The following FMN1 variants were observed in gnomAD, a reference collection of about 807,000 sequenced individuals.
The protein encoded by FMN1 is formin-1.
FMN1 carries 110 observed loss-of-function variants against 132.4 expected under a neutral mutation model. The observed-to-expected ratio is 0.83, with a 90% CI of 0.71 to 0.97. The LOEUF is 0.97. Among genes scored for constraint, FMN1 ranks in the 50% least tolerant of loss-of-function variants. The probability of loss-of-function intolerance (pLI) is 0.00; values close to 1 mark genes in which losing one functional copy is unlikely to be tolerated. For synonymous variants in FMN1, 722 were observed against 651.7 expected, an observed-to-expected ratio of 1.11 and a Z score of -1.64; for missense variants, 1,792 against 1,705.3, an observed-to-expected ratio of 1.05 and a Z score of -0.90.
chr15:32,927,885 C>T (rs1028736372), intron 9 of FMN1, among the ~76,000 whole-genome samples: 3 of 152,204 alleles, frequency 2.0e-5, no homozygotes, highest in Non-Finnish European at 4.4e-5. Flanking sequence ...TTCCTTCCCA[C>T]CTAGGTACTT....
chr15:33,065,432 C>A (rs1309344734), intron 5 of FMN1, among the ~76,000 whole-genome samples: 2 of 152,182 alleles, frequency 1.3e-5, no homozygotes, highest in South Asian at 2.1e-4. Flanking sequence ...GGAATGTTTA[C>A]CAATGTATCC....
In FMN1 at chr15:33,128,104, G is replaced by A. The variant is rs145093223; in HGVS notation, c.1867+24944C>T. Among the ~76,000 whole-genome samples the A allele has an allele frequency of 1.2e-3, 179 of 152,258 alleles. 1 individual carries two copies. The highest frequency in any genetic ancestry group is 4.1e-3 in the African/African-American group (170 of 41,552). On this transcript the variant is annotated intron_variant, in intron 4 of 20. Coordinates refer to ENST00000616417, the MANE Select transcript of FMN1 (RefSeq NM_001277313.2). Reference sequence around the variant, plus strand: ...AAGAAAACCAAGAATGAGGCCAGAAGAAGGGAGAGGAGACACCATGGTGAT... The same window carrying A: ...AAGAAAACCAAGAATGAGGCCAGAAAAAGGGAGAGGAGACACCATGGTGAT...
chr15:32,966,399 A>G (rs1384945456), intron 8 of FMN1, among the ~76,000 whole-genome samples: 2 of 152,126 alleles, frequency 1.3e-5, no homozygotes, highest in Non-Finnish European at 2.9e-5. Context: ...TAGGGCAATA[A>G]TAAGGACGTG....
intron 17 of FMN1, among the ~76,000 whole-genome samples, chr15:32,813,209 A>G (rs1425367978): frequency 6.6e-6 from 1 of 152,352 alleles, no homozygotes; most frequent in African/African-American, 2.4e-5. Context: ...TTTAATATCC[A>G]TAAGGGTCCT....
chr15:32,991,494 A>T (rs1014651389), intron 7 of FMN1, among the ~76,000 whole-genome samples: 3 of 152,120 alleles, frequency 2.0e-5, no homozygotes, highest in African/African-American at 4.8e-5. Flanking sequence ...CGAAAATCAC[A>T]ATCTAGGGAG....
intron 10 of FMN1, among the ~76,000 whole-genome samples, chr15:32,912,173 G>A (rs2060577547): frequency 6.6e-6 from 1 of 152,176 alleles, no homozygotes; most frequent in Admixed American, 6.6e-5. Flanking sequence ...CTTAACTAAT[G>A]AGAAAGAGAA....
At chr15:33,139,134 T>G (rs1371178974) in intron 4 of FMN1, among the ~76,000 whole-genome samples, 1 of 152,238 alleles carries the variant, frequency 6.6e-6, no homozygotes, top group Non-Finnish European at 1.5e-5. Context: ...TTTCGAGAAC[T>G]TCACCTCTTA....
intron 6 of FMN1, among the ~76,000 whole-genome samples, chr15:33,043,080 G>A (rs1381804334): frequency 6.6e-6 from 1 of 152,192 alleles, no homozygotes; most frequent in Admixed American, 6.5e-5. Flanking sequence ...GAAAATGGTA[G>A]GCATTGGTAG....
intron 18 of FMN1, among the ~76,000 whole-genome samples, chr15:32,800,822 C>T (rs12593395): frequency 0.19 from 29,552 of 152,192 alleles, 3,084 homozygotes; most frequent in East Asian, 0.26. Flanking sequence ...AATAGTCGTT[C>T]TACCCCACCC....
At chr15:32,854,774 TGTG>T (rs760270660) in intron 17 of FMN1, among the ~76,000 whole-genome samples, 199 of 151,098 alleles carry the variant, frequency 1.3e-3, no homozygotes, top group Non-Finnish European at 2.6e-3. Flanking sequence ...ATTGGCCGGG[TGTG>T]GTGGTGGGCG....
At chr15:32,884,706 C>A (rs1469550672) in intron 16 of FMN1, among the ~76,000 whole-genome samples, 1 of 152,140 alleles carries the variant, frequency 6.6e-6, no homozygotes, top group African/African-American at 2.4e-5. Context: ...TGTGTTTTCT[C>A]AATTATTGCT....
intron 5 of FMN1, among the ~76,000 whole-genome samples, chr15:33,071,079 T>C (rs557469000): frequency 6.6e-6 from 1 of 152,314 alleles, no homozygotes; most frequent in African/African-American, 2.4e-5. Flanking sequence ...TCAGCCCAGT[T>C]CATTGGTGGT....
chr15:32,869,734 G>A (rs1190299434), intron 16 of FMN1, among the ~76,000 whole-genome samples: 1 of 152,182 alleles, frequency 6.6e-6, no homozygotes, highest in Non-Finnish European at 1.5e-5. Context: ...TGGTCAGTAG[G>A]AAAGTGAAGG....
intron 17 of FMN1, among the ~76,000 whole-genome samples, chr15:32,817,022 AAG>A (rs1469751042): frequency 2.0e-5 from 3 of 152,268 alleles, no homozygotes; most frequent in African/African-American, 7.2e-5. Flanking sequence ...AAGAAAAACT[AAG>A]AGAAGAAAGA....
intron 4 of FMN1, chr15:33,149,962 C>T (rs1372833093): frequency 2.0e-6 from 2 of 984,714 alleles, no homozygotes; most frequent in African/African-American, 3.5e-5. Context: ...AATAAGTTGA[C>T]ATTAATTACA....
chr15:32,913,370 A>G (rs1454343366), intron 10 of FMN1, among the ~76,000 whole-genome samples: 1 of 152,176 alleles, frequency 6.6e-6, no homozygotes, highest in Admixed American at 6.5e-5. Flanking sequence ...GATGCTTAAC[A>G]TACCTCCAAT....
intron 6 of FMN1, among the ~76,000 whole-genome samples, chr15:33,041,373 T>C (rs56866553): frequency 0.18 from 26,173 of 145,394 alleles, 2,578 homozygotes; most frequent in Middle Eastern, 0.25. Context: ...AGCTTTCTTT[T>C]GACGTTCCTC....
At chr15:32,900,289 T>A in intron 13 of FMN1, 164 bp from the exon 14 acceptor site, 1 of 753,572 alleles carries the variant, frequency 1.3e-6, no homozygotes, top group Middle Eastern at 2.2e-4. Flanking sequence ...GCCATGAGTG[T>A]CTTTACAAAC....
At chr15:32,924,579 A>G (rs2140342255) in intron 10 of FMN1, among the ~76,000 whole-genome samples, 1 of 152,356 alleles carries the variant, frequency 6.6e-6, no homozygotes, top group South Asian at 2.1e-4. Flanking sequence ...GAAACCATCT[A>G]AGAGATTGTA....
Sources: allele counts gnomAD v4.1 joint callset (sites outside exome capture counted in the v4.1 genomes callset), GRCh38; gene constraint gnomAD v4.1.1; transcripts MANE v1.5; gene names NCBI Gene and HGNC (gene_info 2026-07-23, HGNC 2026-07-21).